Variants in AOC1 observed in about 807,000 individuals in gnomAD.
The protein encoded by AOC1 is diamine oxidase [copper-containing].
A neutral mutation model predicts 57.1 loss-of-function variants in AOC1; 58 were observed. That is an observed-to-expected ratio of 1.02 (90% CI 0.82 to 1.26). AOC1 has a LOEUF of 1.26. AOC1 is among the 50% of genes most tolerant of loss of function. AOC1 has a pLI of 0.00. For synonymous variants in AOC1, 401 were observed against 423.4 expected (o/e 0.95, Z 0.65); for missense variants, 917 against 1,005.3 (o/e 0.91, Z 1.19).
chr7:150,860,519 C>T lies in AOC1; in HGVS notation c.1875C>T (p.Thr625=). The change falls in exon 4 of 5, where the codon ACC becomes ACT. Residue 625 remains threonine (T), a synonymous_variant. Transcript: ENST00000360937. ...CTGGCAGGTACCCCCTGGCAGTGAC[C>T]AAGTACCGGGAGTCGGAGCTGTGCA... ...ITWARYPLAV[T]KYRESELCSS... is the part of the protein sequence containing the mutation. 1 of 1,614,014 alleles carries T rather than the reference C, an allele frequency of 6.2e-7. No individual in the cohort carries two copies. The highest frequency in any genetic ancestry group is 8.5e-7 in the Non-Finnish European group (1 of 1,179,918).
chr7:150,861,440 A>G lies in AOC1; in HGVS notation c.*231A>G. On this transcript the variant is annotated 3_prime_UTR_variant, in exon 5 of 5. Coordinates refer to ENST00000360937, the MANE Select transcript of AOC1 (RefSeq NM_001091.4). The surrounding 1 kb of genome is among the most constrained non-coding windows in gnomAD (Gnocchi z 4.5). The stretch of plus-strand genomic sequence containing the variant: ...CACAGACGTGCACGCACTCACACGG[A>G]CATGCACACACATGGCATGTACTTT... The G allele has an allele frequency of 2.1e-6, 1 of 475,484 alleles. No homozygotes were observed. Among genetic ancestry groups the G allele is most frequent in the Non-Finnish European group, 3.7e-6 (1 of 270,328 alleles). The allele number at this position is 475,484 out of a possible 1,614,324, so 29.5% of individuals were successfully genotyped here.
chr7:150,859,170 G>A, intron 3 of AOC1, 122 bp downstream of exon 3: 39 of 1,114,254 alleles, frequency 3.5e-5, no homozygotes, highest in Middle Eastern at 3.1e-4. Flanking sequence ...ATATACGTAT[G>A]TGTATATCTG....
In AOC1 at chr7:150,857,953, C is replaced by T. The variant is rs779188472; in HGVS notation, c.1483C>T (p.Leu495=). The T allele has an allele frequency of 6.2e-7, 1 of 1,606,342 alleles. No homozygotes were observed. Among genetic ancestry groups the T allele is most frequent in the Non-Finnish European group, 8.5e-7 (1 of 1,178,188 alleles). The change falls in exon 2 of 5, where the codon CTG becomes TTG. Residue 495 remains leucine (L), a synonymous_variant. Transcript: ENST00000360937. This position sits in a 1 kb window ranked among gnomAD's most constrained non-coding sequence, Gnocchi z 6.6. ...CGCCACCTTCTACACCCCCGAGGGG[C>T]TGCGCCACGGCACTCGCCTGCACAC... ...VHATFYTPEG[L]RHGTRLHTHL...
chr7:150,858,962 G>A lies in AOC1; in HGVS notation c.1770G>A (p.Lys590=), dbSNP rs768738901. 4 of 1,608,394 alleles carry A rather than the reference G, an allele frequency of 2.5e-6. No individual in the cohort carries two copies. Among genetic ancestry groups the A allele is most frequent in the Non-Finnish European group, 2.6e-6 (3 of 1,176,296 alleles). Residue 590 remains lysine (K), a synonymous_variant, in exon 3 of 5, where the codon AAG becomes AAA. Coordinates refer to ENST00000360937, the MANE Select transcript of AOC1 (RefSeq NM_001091.4). ...TSPQENPWGH[K]RTYRLQIHSM... ...CCCAGGAGAACCCCTGGGGCCACAA[G>A]CGCACGTACCGCCTGCAGATCCACT...
At chr7:150,858,161 C>T (rs1325877969) in intron 2 of AOC1, 121 bp downstream of exon 2, 1 of 1,328,214 alleles carries the variant, frequency 7.5e-7, no homozygotes, top group Admixed American at 2.6e-5. Context: ...GCCAAGCCTG[C>T]TTCTGTAAAA....
Position 150,856,349 on chromosome 7 carries a change from C to A in AOC1, c.-16-106C>A. On this transcript the variant is annotated intron_variant, in intron 1 of 4. Coordinates refer to ENST00000360937, the MANE Select transcript of AOC1 (RefSeq NM_001091.4). This position sits in a 1 kb window ranked among gnomAD's most constrained non-coding sequence, Gnocchi z 5.2. Reference sequence around the variant, plus strand: ...GGACAGCCTCCAGCTTGGGGCAGGGCAAGGGGAGGAAGCTCAGTCCATGGG... The same window carrying A: ...GGACAGCCTCCAGCTTGGGGCAGGGAAAGGGGAGGAAGCTCAGTCCATGGG... 7.2e-7 allele frequency: 1 copy of A among 1,380,706 alleles called. No homozygotes were observed. Among genetic ancestry groups the A allele is most frequent in the Non-Finnish European group, 9.6e-7 (1 of 1,037,414 alleles). The allele number at this position is 1,380,706 out of a possible 1,614,324, so 85.5% of individuals were successfully genotyped here.
chr7:150,853,599 G>A (rs943954436), intron 1 of AOC1, among the ~76,000 whole-genome samples: 1 of 148,748 alleles, frequency 6.7e-6, no homozygotes, highest in Non-Finnish European at 1.5e-5. Context: ...GGAGGCCAAC[G>A]CAGGAGGATC....
chr7:150,854,337 G>C (rs1405353775), intron 1 of AOC1, among the ~76,000 whole-genome samples: 2 of 152,098 alleles, frequency 1.3e-5, no homozygotes, highest in Non-Finnish European at 2.9e-5. Flanking sequence ...GGGAGAGAAG[G>C]ACATCTCAGA....
In AOC1 at chr7:150,852,965, G is replaced by C. The variant is rs1799664080; in HGVS notation, c.-17+407G>C. ...AAGAGGTTGTAAAAAAGGAGACCCA[G>C]CCGTGAAAGGACATGGAGGTACCCT... On this transcript the variant is annotated intron_variant, in intron 1 of 4. Transcript: ENST00000360937. The surrounding 1 kb of genome is among the most constrained non-coding windows in gnomAD (Gnocchi z 4.6). Among the ~76,000 whole-genome samples the C allele has an allele frequency of 6.6e-6, 1 of 152,170 alleles. No homozygotes were observed. The highest frequency in any genetic ancestry group is 1.5e-5 in the Non-Finnish European group (1 of 68,042).
At position 150,856,626 on chromosome 7, in the gene AOC1, G is replaced by A; in HGVS notation, c.156G>A (p.Lys52=). Residue 52 remains lysine (K), a synonymous_variant, in exon 2 of 5, where the codon AAG becomes AAA. Coordinates refer to ENST00000360937, the MANE Select transcript of AOC1 (RefSeq NM_001091.4). This position sits in a 1 kb window ranked among gnomAD's most constrained non-coding sequence, Gnocchi z 5.2. ...TGCACAGCTTCCTCTGGTCCAAGAA[G>A]GAGCTGAGGCTGCAGCCCTCCAGTA... ...KAVHSFLWSK[K]ELRLQPSSTT... 1 of 1,614,178 alleles carries A rather than the reference G, an allele frequency of 6.2e-7. No individual in the cohort carries two copies. Among genetic ancestry groups the A allele is most frequent in the Non-Finnish European group, 8.5e-7 (1 of 1,179,996 alleles).
At position 150,857,059 on chromosome 7, in the gene AOC1, C is replaced by T. The variant is rs370771602; in HGVS notation, c.589C>T (p.Arg197Cys). ...VAPRGVASGQ[R>C]RSWLIIQRYV... ...CCCCCGGGGTGTGGCTTCTGGCCAGCGCCGCAGTTGGCTTATCATACAGCG... is the reference window on the plus strand; with the variant it reads ...CCCCCGGGGTGTGGCTTCTGGCCAGTGCCGCAGTTGGCTTATCATACAGCG... The change falls in exon 2 of 5, where the codon CGC becomes TGC. Residue 197 changes from arginine to cysteine, a missense_variant. By Grantham distance (180) the Arg-to-Cys change is radical. Transcript: ENST00000360937. The surrounding 1 kb of genome is among the most constrained non-coding windows in gnomAD (Gnocchi z 6.6). 8.9e-5 allele frequency: 143 copies of T among 1,614,082 alleles called. No homozygotes were observed. The highest frequency in any genetic ancestry group is 4.9e-4 in the South Asian group (45 of 91,086).
At chr7:150,860,308 C>G (rs1799929146) in intron 3 of AOC1, 193 bp from the exon 4 acceptor site, 2 of 785,750 alleles carry the variant, frequency 2.5e-6, no homozygotes, top group Admixed American at 3.1e-5. Flanking sequence ...GGGAGGGGGG[C>G]GGGGAGGACT....
At position 150,857,660 on chromosome 7, in the gene AOC1, TC is replaced by T. The variant is rs1799830623; in HGVS notation, c.1192del (p.Leu398TrpfsTer48). On this transcript the variant is annotated frameshift_variant, in exon 2 of 5. Transcript: ENST00000360937. LOFTEE classifies it high-confidence loss of function. The surrounding 1 kb of genome is among the most constrained non-coding windows in gnomAD (Gnocchi z 6.6). ...ATCGACTGCCCGGAGACCGCCACCTTCCTGGACACTTTCCACTACTATGATG... is the reference window on the plus strand; with the variant it reads ...ATCGACTGCCCGGAGACCGCCACCTTCTGGACACTTTCCACTACTATGATG... The part of the protein sequence containing the change: ...PGIDCPETAT[F>X]LDTFHYYDAD... The T allele has an allele frequency of 6.2e-7, 1 of 1,614,120 alleles. No individual in the cohort carries two copies. The highest frequency in any genetic ancestry group is 1.1e-5 in the South Asian group (1 of 91,082).
In AOC1 at chr7:150,858,841, T is replaced by G; in HGVS notation, c.1649T>G (p.Val550Gly). 6.2e-7 allele frequency: 1 copy of G among 1,613,858 alleles called. No individual in the cohort carries two copies. Among genetic ancestry groups the G allele is most frequent in the Non-Finnish European group, 8.5e-7 (1 of 1,179,830 alleles). ...CCCTGGAGCCCAAGACACCGCGTGGTCCAGCCAACTCTGGAGCAGACGCAG... is the reference window on the plus strand; with the variant it reads ...CCCTGGAGCCCAAGACACCGCGTGGGCCAGCCAACTCTGGAGCAGACGCAG... ...TNPWSPRHRV[V>G]QPTLEQTQYS... Residue 550 changes from valine to glycine, a missense_variant, in exon 3 of 5, where the codon GTC becomes GGC. Val to Gly is a moderately radical substitution (Grantham distance 109). Transcript: ENST00000360937.
chr7:150,859,075 G>A (rs773950578), intron 3 of AOC1, 27 bp downstream of exon 3: 1 of 1,516,962 alleles, frequency 6.6e-7, no homozygotes, highest in South Asian at 1.3e-5. Flanking sequence ...GGGCCTGGGG[G>A]AGGGTCAGTG....
At chr7:150,858,219 A>G (rs559255812) in intron 2 of AOC1, among the ~76,000 whole-genome samples, 179 bp downstream of exon 2, 8 of 152,330 alleles carry the variant, frequency 5.3e-5, no homozygotes, top group African/African-American at 1.7e-4. Context: ...GAAAGCGAAC[A>G]GTGCCGAGGG....
At chr7:150,860,176 CA>C (rs367755737) in intron 3 of AOC1, among the ~76,000 whole-genome samples, 1 of 145,110 alleles carries the variant, frequency 6.9e-6, no homozygotes, top group Non-Finnish European at 1.5e-5. Context: ...AAAACTCCAT[CA>C]AAAAAAAAGA....
At chr7:150,860,697 C>A in intron 4 of AOC1, 64 bp downstream of exon 4, 1 of 1,561,558 alleles carries the variant, frequency 6.4e-7, no homozygotes, top group Non-Finnish European at 8.7e-7. Flanking sequence ...AGCCCAGGAC[C>A]ATCCTCATCA....
rs1799929518 is a variant in AOC1 at position 150,860,321 on chromosome 7, T to C, written c.1857-180T>C. 2.9e-6 allele frequency: 3 copies of C among 1,025,400 alleles called. No homozygotes were observed. In the South Asian group the frequency reaches 4.8e-5, roughly 17 times the overall value. The allele number at this position is 1,025,400 out of a possible 1,614,324, so 63.5% of individuals were successfully genotyped here. A position where few individuals can be genotyped will look rare whatever the true frequency, so the allele number is the denominator to read the frequency against. ...TGGGGAGGGGGGCGGGGAGGACTCC[T>C]GTGGGTCACCTGAACCCGGTTAACA... On this transcript the variant is annotated intron_variant, in intron 3 of 4. Transcript: ENST00000360937.
Sources: gnomAD v4.1 joint callset for allele counts (sites outside exome capture counted in the v4.1 genomes callset) on GRCh38, gnomAD v4.1.1 for gene constraint, Gnocchi (gnomAD v3.1) non-coding constraint, MANE v1.5 for transcripts, NCBI Gene and HGNC (gene_info 2026-07-23, HGNC 2026-07-21) for gene names.